TET2: variants seen among roughly 807,000 people sequenced by gnomAD.
The protein encoded by TET2 is methylcytosine dioxygenase TET2.
Under a neutral mutation model 142.9 loss-of-function variants are expected in TET2, and 299 were observed. The ratio of observed to expected loss-of-function variants is 2.09; its 90% confidence interval spans 1.90 to 2.30. TET2 has a LOEUF of 2.30. Ranked by LOEUF, TET2 falls within the 30% of genes most tolerant of loss-of-function variation. TET2 has a pLI of 0.00. For synonymous variants in TET2, 819 were observed against 849.0 expected (o/e 0.96, Z 0.61); for missense variants, 2,418 against 2,378.0 (o/e 1.02, Z -0.35).
chr4:105,275,637 T>G lies in TET2; in HGVS notation c.5127T>G (p.Cys1709Trp). The change falls in exon 11 of 11, where the codon TGT becomes TGG. Residue 1709 changes from cysteine (C) to tryptophan (W), a missense_variant. Cys to Trp is a radical substitution (Grantham distance 215, BLOSUM62 -2). Transcript: ENST00000380013. ...TGCAGGGAGATGGTTTCAGCAGTTGTACCATTAGACCAAATGTACATCATG... is the reference window on the plus strand; with the variant it reads ...TGCAGGGAGATGGTTTCAGCAGTTGGACCATTAGACCAAATGTACATCATG... ...QNMQGDGFSS[C>W]TIRPNVHHVG... The G allele has an allele frequency of 6.4e-7, 1 of 1,551,976 alleles. No homozygotes were observed. The highest frequency in any genetic ancestry group is 1.2e-5 in the South Asian group (1 of 84,062).
chr4:105,220,040 T>C (rs1390768780), intron 2 of TET2, among the ~76,000 whole-genome samples: 13 of 152,162 alleles, frequency 8.5e-5, no homozygotes, highest in African/African-American at 2.7e-4. Flanking sequence ...TACTGGTGAC[T>C]ACTAGAGTGC....
intron 6 of TET2, among the ~76,000 whole-genome samples, chr4:105,247,456 A>G (rs754618336): frequency 6.6e-6 from 1 of 152,216 alleles, no homozygotes; most frequent in Non-Finnish European, 1.5e-5. Flanking sequence ...TAGCTATTAA[A>G]TAAAACTTCC....
rs1728723883 is a variant in TET2 at position 105,234,648 on chromosome 4, G to T, written c.706G>T (p.Asp236Tyr). The T allele has an allele frequency of 6.2e-7, 1 of 1,614,016 alleles. No individual in the cohort carries two copies. Among genetic ancestry groups the T allele is most frequent in the Admixed American group, 1.7e-5 (1 of 59,994 alleles). The stretch of plus-strand genomic sequence containing the variant: ...AAAAACACTGTCTCAATATTATCCA[G>T]ATTGTGTTTCCATTGCGGTGCAGAA... ...LEKTLSQYYP[D>Y]CVSIAVQKTT... The change falls in exon 3 of 11, where the codon GAT becomes TAT. Residue 236 changes from aspartate to tyrosine, a missense_variant. Physicochemically the swap from Asp to Tyr is radical, Grantham distance 160. Transcript: ENST00000380013.
chr4:105,260,041 A>G (rs1730345710), intron 7 of TET2, among the ~76,000 whole-genome samples: 1 of 152,118 alleles, frequency 6.6e-6, no homozygotes, highest in Non-Finnish European at 1.5e-5. Flanking sequence ...CTAAATGAGA[A>G]TTGGTGATGT....
At chr4:105,176,273 A>C (rs1724789502) in intron 1 of TET2, among the ~76,000 whole-genome samples, 1 of 152,142 alleles carries the variant, frequency 6.6e-6, no homozygotes, top group Admixed American at 6.5e-5. Flanking sequence ...TTTGTTTCCT[A>C]CTGGAAGTGC....
intron 1 of TET2, among the ~76,000 whole-genome samples, chr4:105,175,518 A>T (rs2110431560): frequency 6.6e-6 from 1 of 152,326 alleles, no homozygotes; most frequent in African/African-American, 2.4e-5. Flanking sequence ...AGGAACTTCA[A>T]AACTAAAATG....
chr4:105,256,471 A>G (rs1243128254), intron 6 of TET2, among the ~76,000 whole-genome samples: 1 of 152,120 alleles, frequency 6.6e-6, no homozygotes, highest in Non-Finnish European at 1.5e-5. Flanking sequence ...GAGATCAGCT[A>G]TTAATCTTAT....
chr4:105,272,540 T>G, intron 9 of TET2, 24 bp from the exon 10 acceptor site: 1 of 1,439,692 alleles, frequency 6.9e-7, no homozygotes, highest in Non-Finnish European at 9.3e-7. Context: ...TAGTTGAGGC[T>G]GTAATGTCTT....
At chr4:105,209,308 A>G (rs954270816) in intron 2 of TET2, among the ~76,000 whole-genome samples, 1 of 151,800 alleles carries the variant, frequency 6.6e-6, no homozygotes, top group Non-Finnish European at 1.5e-5. Flanking sequence ...CTCAAGCGCA[A>G]TAACATTTTC....
chr4:105,220,904 C>G (rs1727780427), intron 2 of TET2, among the ~76,000 whole-genome samples: 1 of 152,036 alleles, frequency 6.6e-6, no homozygotes, highest in Non-Finnish European at 1.5e-5. Flanking sequence ...ATTCTTAGAG[C>G]ATGACCAAGC....
At chr4:105,266,228 A>G (rs1435607263) in intron 8 of TET2, among the ~76,000 whole-genome samples, 1 of 152,166 alleles carries the variant, frequency 6.6e-6, no homozygotes, top group East Asian at 1.9e-4. Context: ...TCATAATTGT[A>G]TTGCCTTGGT....
In TET2 at chr4:105,276,330, G is replaced by T; in HGVS notation, c.5820G>T (p.Val1940=). The T allele has an allele frequency of 6.4e-7, 1 of 1,551,714 alleles. No homozygotes were observed. The highest frequency in any genetic ancestry group is 8.7e-7 in the Non-Finnish European group (1 of 1,146,996). Residue 1940 remains valine (V), a synonymous_variant, in exon 11 of 11, where the codon GTG becomes GTT. Coordinates refer to ENST00000380013, the MANE Select transcript of TET2 (RefSeq NM_001127208.3). ...GTGAAAAGTATGGCCCAGACTATGT[G>T]CCTCAGAAATCCCATGGCAAAAAAG... ...EECEKYGPDY[V]PQKSHGKKVK...
At position 105,204,232 on chromosome 4, in the gene TET2, T is replaced by TACACACACAC. The variant is rs762266771; in HGVS notation, c.-47+13728_-47+13729insCACACACACA. Among the ~76,000 whole-genome samples the TACACACACAC allele has an allele frequency of 4.1e-3, 437 of 107,658 alleles. 3 individuals are homozygous for TACACACACAC. The highest frequency in any genetic ancestry group is 0.013 in the African/African-American group (334 of 25,790). 70.6% of individuals were successfully genotyped at this position (107,658 alleles called of 152,430 possible). On this transcript the variant is annotated intron_variant, in intron 2 of 10. Coordinates refer to ENST00000380013, the MANE Select transcript of TET2 (RefSeq NM_001127208.3). ...AAACAAACCAAAAAAAAAAAAAATA[T>TACACACACAC]ATACACACACACACACACACACACA... is the stretch of plus-strand genomic sequence containing the variant.
At chr4:105,241,741 G>A in intron 4 of TET2, 2 of 1,253,974 alleles carry the variant, frequency 1.6e-6, no homozygotes, top group Non-Finnish European at 2.0e-6. Flanking sequence ...CCAACGAGAG[G>A]TCCCACTCTG....
intron 1 of TET2, among the ~76,000 whole-genome samples, chr4:105,159,186 G>C (rs1040419719): frequency 9.2e-5 from 14 of 151,542 alleles, no homozygotes; most frequent in African/African-American, 2.9e-4. Context: ...CTAACGCATG[G>C]TTTTCCTACC....
chr4:105,239,085 T>TTTTTTTTTTC lies in TET2; in HGVS notation c.3409+1735_3409+1736insTTTTTTTTCT, dbSNP rs1729139840. On this transcript the variant is annotated intron_variant, in intron 3 of 10. Coordinates refer to ENST00000380013, the MANE Select transcript of TET2 (RefSeq NM_001127208.3). ...TGGTTTTGTTTTTTGTTTTTTTTTT[T>TTTTTTTTTTC]TGTTTTTTAGCAGTAAGTCTCAACA... 1.7e-5 allele frequency: 4 copies of TTTTTTTTTTC among 237,452 alleles called. No homozygotes were observed. The Admixed American group carries it at 1.7e-4, about 10-fold the overall frequency. The allele number at this position is 237,452 out of a possible 1,614,324, so 14.7% of individuals were successfully genotyped here. A position where few individuals can be genotyped will look rare whatever the true frequency, so the allele number is the denominator to read the frequency against.
At chr4:105,187,469 T>G (rs1162951342) in intron 1 of TET2, among the ~76,000 whole-genome samples, 1 of 152,216 alleles carries the variant, frequency 6.6e-6, no homozygotes, top group African/African-American at 2.4e-5. Context: ...TTCACCTGCC[T>G]GATGAATATT....
chr4:105,197,551 C>T (rs1726165604), intron 2 of TET2, among the ~76,000 whole-genome samples: 1 of 152,234 alleles, frequency 6.6e-6, no homozygotes, highest in Admixed American at 6.5e-5. Context: ...TGTGATGTGG[C>T]TGAGAATGGA....
chr4:105,235,817 ACAGCT>A lies in TET2; in HGVS notation c.1876_1880del (p.Gln626GlyfsTer10). 6.2e-7 allele frequency: 1 copy of A among 1,614,074 alleles called. No individual in the cohort carries two copies. Among genetic ancestry groups the A allele is most frequent in the Non-Finnish European group, 8.5e-7 (1 of 1,180,010 alleles). On this transcript the variant is annotated frameshift_variant, in exon 3 of 11. Coordinates refer to ENST00000380013, the MANE Select transcript of TET2 (RefSeq NM_001127208.3). LOFTEE classifies it high-confidence loss of function. ...GGCAAGCTTACACCCAGAAAACAAC[ACAGCT>A]GGAGCACAAGTCACAAATGTACCAA...
Sources: gnomAD v4.1 joint callset for allele counts (sites outside exome capture counted in the v4.1 genomes callset) on GRCh38, gnomAD v4.1.1 for gene constraint, MANE v1.5 for transcripts, NCBI Gene and HGNC (gene_info 2026-07-23, HGNC 2026-07-21) for gene names.